The following RARB variants were observed in gnomAD, a reference collection of about 807,000 sequenced individuals.
RARB encodes HBV-activated protein.
In RARB, 17 loss-of-function variants were observed where a neutral mutation model predicts 51.9. The observed-to-expected ratio is 0.33, with a 90% CI of 0.22 to 0.49. The LOEUF (loss-of-function observed/expected upper bound fraction) is 0.49, where lower values mean the gene tolerates loss of function less well. Ranked by LOEUF, RARB falls within the 20% of genes least tolerant of loss-of-function variation. The pLI, the probability that RARB is intolerant of heterozygous loss-of-function variation, is 0.99. For synonymous variants in RARB, 215 were observed against 195.4 expected (o/e 1.10, Z -0.84); for missense variants, 369 against 550.8 (o/e 0.67, Z 3.30).
chr3:25,228,856 T>C (rs979232129), intron 5 of RARB, among the ~76,000 whole-genome samples: 69 of 152,272 alleles, frequency 4.5e-4, no homozygotes, highest in Non-Finnish European at 8.1e-4. Context: ...GAAGAGCAAA[T>C]CTTTGAAGTA....
At chr3:25,569,006 C>T (rs963089908) in intron 3 of RARB, among the ~76,000 whole-genome samples, 12 of 152,358 alleles carry the variant, frequency 7.9e-5, no homozygotes, top group Admixed American at 7.2e-4. Context: ...GTGCCTGGCA[C>T]CGTGCTTGGC....
intron 3 of RARB, among the ~76,000 whole-genome samples, chr3:25,566,955 G>A (rs934942288): frequency 1.1e-4 from 17 of 152,286 alleles, no homozygotes; most frequent in Middle Eastern, 3.4e-3. Context: ...GGGATTTCGC[G>A]AGCTAGGATT....
intron 4 of RARB, among the ~76,000 whole-genome samples, chr3:25,157,529 C>T (rs1423826333): frequency 3.3e-5 from 5 of 151,312 alleles, no homozygotes; most frequent in African/African-American, 1.2e-4. Flanking sequence ...TCCAGAGTAA[C>T]AGGACTACAG....
intron 5 of RARB, among the ~76,000 whole-genome samples, chr3:25,364,994 G>T (rs1245719046): frequency 6.6e-6 from 1 of 151,896 alleles, no homozygotes; most frequent in East Asian, 1.9e-4. Flanking sequence ...AGTATCATTT[G>T]ATTCATTGAC....
upstream of RARB, among the ~76,000 whole-genome samples, chr3:25,428,098 C>G (rs755262098): frequency 6.6e-6 from 1 of 152,176 alleles, no homozygotes; most frequent in African/African-American, 2.4e-5. Context: ...CTGCCTGCCT[C>G]TCTGGCTGTC....
At chr3:25,421,988 A>G (rs1049163842) in intron 5 of RARB, among the ~76,000 whole-genome samples, 10 of 152,174 alleles carry the variant, frequency 6.6e-5, no homozygotes, top group African/African-American at 2.4e-4. Context: ...GAAACATTCT[A>G]TGTCTGCACT....
At chr3:24,987,613 C>G (rs1170509107) in intron 2 of RARB, among the ~76,000 whole-genome samples, 3 of 152,204 alleles carry the variant, frequency 2.0e-5, no homozygotes, top group Non-Finnish European at 4.4e-5. Context: ...AGGGACTGTT[C>G]TACACCACTA....
intron 3 of RARB, among the ~76,000 whole-genome samples, chr3:25,110,937 T>C (rs1699590857): frequency 6.6e-6 from 1 of 152,222 alleles, no homozygotes; most frequent in Non-Finnish European, 1.5e-5. Context: ...AAATAGAGTG[T>C]ATTTTTACAA....
At chr3:25,097,217 G>A (rs1001642674) in intron 3 of RARB, among the ~76,000 whole-genome samples, 2 of 152,096 alleles carry the variant, frequency 1.3e-5, no homozygotes, top group African/African-American at 4.8e-5. Context: ...CTTGATTTGC[G>A]GTGCACTGGA....
At chr3:25,550,239 T>G (rs1466525942) in intron 3 of RARB, among the ~76,000 whole-genome samples, 2 of 152,194 alleles carry the variant, frequency 1.3e-5, no homozygotes, top group Non-Finnish European at 2.9e-5. Context: ...TGAGACATTA[T>G]GCAGTTTCCT....
At chr3:25,295,158 C>G (rs1041603510) in intron 5 of RARB, among the ~76,000 whole-genome samples, 13 of 152,140 alleles carry the variant, frequency 8.5e-5, no homozygotes, top group African/African-American at 2.9e-4. Context: ...TACTTGTGTT[C>G]AAATCCTGGT....
At chr3:25,464,461 G>A (rs1012045245) in intron 2 of RARB, among the ~76,000 whole-genome samples, 1 of 152,108 alleles carries the variant, frequency 6.6e-6, no homozygotes, top group African/African-American at 2.4e-5. Context: ...ACCCAATAAG[G>A]TCAGGTGAGT....
At chr3:25,334,653 A>G (rs1705010488) in intron 5 of RARB, among the ~76,000 whole-genome samples, 2 of 152,186 alleles carry the variant, frequency 1.3e-5, no homozygotes, top group Admixed American at 1.3e-4. Flanking sequence ...GGTTGTGCAC[A>G]TGTACCCTAG....
At chr3:25,092,141 CGAGGCACTTAG>C (rs1222553455) in intron 3 of RARB, among the ~76,000 whole-genome samples, 3 of 152,062 alleles carry the variant, frequency 2.0e-5, no homozygotes, top group Non-Finnish European at 4.4e-5. Flanking sequence ...AATCTGCTGA[CGAGGCACTTAG>C]GAGAGAGGAG....
At chr3:25,242,594 G>A (rs535864879) in intron 5 of RARB, among the ~76,000 whole-genome samples, 1 of 152,080 alleles carries the variant, frequency 6.6e-6, no homozygotes, top group African/African-American at 2.4e-5. Context: ...TTTCTGTCAG[G>A]TTCATCAAAG....
intron 2 of RARB, among the ~76,000 whole-genome samples, chr3:24,919,844 A>C (rs552842970): frequency 6.6e-6 from 1 of 152,200 alleles, no homozygotes; most frequent in South Asian, 2.1e-4. Flanking sequence ...CTCATTTACA[A>C]CTTCCAGGGT....
intron 2 of RARB, among the ~76,000 whole-genome samples, chr3:25,473,070 A>G (rs973302943): frequency 6.6e-6 from 1 of 152,234 alleles, no homozygotes; most frequent in Non-Finnish European, 1.5e-5. Context: ...GCACAACGCA[A>G]TGCTTATGTC....
chr3:24,949,910 A>G (rs1387645902), intron 2 of RARB, among the ~76,000 whole-genome samples: 2 of 152,244 alleles, frequency 1.3e-5, no homozygotes, highest in Non-Finnish European at 2.9e-5. Context: ...TGGTAAGGAA[A>G]CTGACACCGG....
intron 2 of RARB, among the ~76,000 whole-genome samples, chr3:24,905,318 CTA>C (rs1478122046): frequency 1.3e-5 from 2 of 152,116 alleles, no homozygotes; most frequent in Non-Finnish European, 2.9e-5. Flanking sequence ...AAATCCAATT[CTA>C]TGTCTTCTTG....
Sources: allele counts gnomAD v4.1 joint callset (sites outside exome capture counted in the v4.1 genomes callset), GRCh38; gene constraint gnomAD v4.1.1; transcripts MANE v1.5; gene names NCBI Gene and HGNC (gene_info 2026-07-23, HGNC 2026-07-21).